USH2A: variants seen among roughly 807,000 people sequenced by gnomAD.
The protein encoded by USH2A is Usher syndrome 2A (autosomal recessive, mild).
USH2A carries 443 observed loss-of-function variants against 538.9 expected under a neutral mutation model. That is an observed-to-expected ratio of 0.82 (90% CI 0.76 to 0.89). USH2A has a LOEUF of 0.89. Ranked by LOEUF, USH2A falls within the 40% of genes least tolerant of loss-of-function variation. The probability of loss-of-function intolerance (pLI) is 0.00; values close to 1 mark genes in which losing one functional copy is unlikely to be tolerated. For synonymous variants in USH2A, 2,413 were observed against 2,273.5 expected (o/e 1.06, Z -1.75); for missense variants, 6,633 against 6,324.8 (o/e 1.05, Z -1.65).
intron 37 of USH2A, among the ~76,000 whole-genome samples, chr1:215,936,392 T>C (rs916230591): frequency 3.3e-5 from 5 of 152,076 alleles, no homozygotes; most frequent in Non-Finnish European, 7.4e-5. Flanking sequence ...AACATAAATT[T>C]GGTTGTCAAA....
rs185632511 is a variant in USH2A at position 215,939,068 on chromosome 1, C to A, written c.7121-4273G>T. 1.8e-3 allele frequency among the ~76,000 whole-genome samples: 274 copies of A among 152,168 alleles called. 1 individual carries two copies. The highest frequency in any genetic ancestry group is 0.017 in the Admixed American group (256 of 15,284). The stretch of plus-strand genomic sequence containing the variant: ...TACAAAATCCAATGAAGTTGTTCTA[C>A]AAGAAAATTTAAAATATGCATAAAA... On this transcript the variant is annotated intron_variant, in intron 37 of 71. Transcript: ENST00000307340.
chr1:216,070,957 G>T (rs1190435890), intron 29 of USH2A, among the ~76,000 whole-genome samples: 1 of 152,002 alleles, frequency 6.6e-6, no homozygotes, highest in African/African-American at 2.4e-5. Context: ...CACAAAATGA[G>T]GAAGTTTAAA....
intron 48 of USH2A, among the ~76,000 whole-genome samples, chr1:215,815,332 T>C (rs1662828208): frequency 6.6e-6 from 1 of 152,106 alleles, no homozygotes; most frequent in Non-Finnish European, 1.5e-5. Context: ...TGCACACGCC[T>C]GTTTTCTAAA....
chr1:216,333,236 G>A (rs1249633064), intron 4 of USH2A, among the ~76,000 whole-genome samples: 2 of 151,992 alleles, frequency 1.3e-5, no homozygotes, highest in East Asian at 3.9e-4. Flanking sequence ...GAGCCCAGCA[G>A]TTTGAGACCA....
chr1:216,004,768 G>A (rs1352425028), intron 32 of USH2A, among the ~76,000 whole-genome samples: 1 of 152,156 alleles, frequency 6.6e-6, no homozygotes, highest in Non-Finnish European at 1.5e-5. Context: ...CTATGAAGTG[G>A]ATGAAAGAGA....
intron 32 of USH2A, among the ~76,000 whole-genome samples, chr1:216,025,685 G>A (rs1282995779): frequency 6.6e-5 from 10 of 152,016 alleles, no homozygotes; most frequent in Non-Finnish European, 2.9e-5. Context: ...GTAAAGGTAT[G>A]TGCCTTTATA....
Position 216,072,958 on chromosome 1 carries a change from G to A in USH2A, c.5788C>T (p.Arg1930Ter), listed in dbSNP as rs397518021. ...CCTCCTTCATGCGAGGCTATCACTCGATACAGGTATTCTTAAATGGAAATA... is the reference window on the plus strand; with the variant it reads ...CCTCCTTCATGCGAGGCTATCACTCAATACAGGTATTCTTAAATGGAAATA... ...GLQPFTEYLY[R>*]VIASHEGGSV... Residue 1930 changes from arginine to a stop codon, truncating the protein, a stop_gained, in exon 29 of 72, where the codon CGA becomes TGA. Transcript: ENST00000307340. LOFTEE classifies it high-confidence loss of function. 10 of 1,613,698 alleles carry A rather than the reference G, an allele frequency of 6.2e-6. No homozygotes were observed. The highest frequency in any genetic ancestry group is 1.6e-4 in the Middle Eastern group (1 of 6,082).
chr1:216,199,405 G>A (rs1009940939), intron 17 of USH2A, among the ~76,000 whole-genome samples: 1 of 152,120 alleles, frequency 6.6e-6, no homozygotes, highest in Non-Finnish European at 1.5e-5. Flanking sequence ...AGCCTTTTAA[G>A]GGGCAATTTA....
At chr1:215,929,232 C>G (rs1278982510) in intron 38 of USH2A, among the ~76,000 whole-genome samples, 2 of 151,914 alleles carry the variant, frequency 1.3e-5, no homozygotes, top group African/African-American at 4.8e-5. Context: ...ATAAGTAGCT[C>G]TATATAAACA....
chr1:215,716,133 A>G (rs367891804), intron 61 of USH2A, among the ~76,000 whole-genome samples: 1 of 148,268 alleles, frequency 6.7e-6, no homozygotes, highest in South Asian at 2.1e-4. Context: ...AATACAATGT[A>G]TTAATACGTC....
At chr1:215,685,862 G>A (rs1658408992) in intron 61 of USH2A, among the ~76,000 whole-genome samples, 1 of 152,050 alleles carries the variant, frequency 6.6e-6, no homozygotes. Context: ...ATCTCAGCTG[G>A]TGAGACAAAA....
chr1:216,298,286 C>T (rs950416459), intron 9 of USH2A, among the ~76,000 whole-genome samples: 1 of 152,168 alleles, frequency 6.6e-6, no homozygotes, highest in African/African-American at 2.4e-5. Context: ...ATATTGCCTA[C>T]ATGAGTTAGT....
At chr1:216,092,432 A>G (rs867534633) in intron 22 of USH2A, among the ~76,000 whole-genome samples, 1 of 152,248 alleles carries the variant, frequency 6.6e-6, no homozygotes, top group Non-Finnish European at 1.5e-5. Flanking sequence ...AGTATTTAAA[A>G]TATAAATAAA....
chr1:216,415,506 CACTTT>C (rs1328124873), intron 3 of USH2A, among the ~76,000 whole-genome samples: 1 of 126,042 alleles, frequency 7.9e-6, no homozygotes, highest in East Asian at 2.6e-4. Context: ...TCCTTCCTGT[CACTTT>C]TTTTTTTTTT....
rs530327303 is a variant in USH2A, at chr1:216,349,547, C to T, written c.784+15406G>A. ...CAGCTAAAACCCACGAAAACCAATACGGCAATAAGAGTGACCTCTGGTTGT... is the reference window on the plus strand; with the variant it reads ...CAGCTAAAACCCACGAAAACCAATATGGCAATAAGAGTGACCTCTGGTTGT... On this transcript the variant is annotated intron_variant, in intron 4 of 71. Coordinates refer to ENST00000307340, the MANE Select transcript of USH2A (RefSeq NM_206933.4). Among the ~76,000 whole-genome samples, 64 of 152,180 alleles carry T rather than the reference C, an allele frequency of 4.2e-4. 1 individual carries two copies. Among genetic ancestry groups the T allele is most frequent in the African/African-American group, 1.4e-3 (57 of 41,546 alleles).
chr1:215,650,808 A>G lies in USH2A; in HGVS notation c.14134-7T>C. On this transcript the variant is annotated splice_region_variant and splice_polypyrimidine_tract_variant and intron_variant, in intron 64 of 71. Transcript: ENST00000307340. ...CAGAATTCACTGCCCAGACCTCCAA[A>G]GAGAAATCAACAAGACTGTCAAAAG... The G allele has an allele frequency of 6.2e-7, 1 of 1,613,384 alleles. No homozygotes were observed. The highest frequency in any genetic ancestry group is 8.5e-7 in the Non-Finnish European group (1 of 1,179,840).
intron 38 of USH2A, among the ~76,000 whole-genome samples, chr1:215,909,838 G>A (rs1253606994): frequency 6.6e-6 from 1 of 151,904 alleles, no homozygotes; most frequent in African/African-American, 2.4e-5. Flanking sequence ...ATTTGGTGAT[G>A]GAACAGATGT....
At chr1:216,308,039 G>T (rs1044250811) in intron 9 of USH2A, among the ~76,000 whole-genome samples, 2 of 152,178 alleles carry the variant, frequency 1.3e-5, no homozygotes, top group Admixed American at 1.3e-4. Context: ...TTCATGATGT[G>T]TGTCTTCACA....
intron 21 of USH2A, among the ~76,000 whole-genome samples, chr1:216,133,069 A>G (rs1304722276): frequency 6.6e-6 from 1 of 152,102 alleles, no homozygotes; most frequent in Non-Finnish European, 1.5e-5. Context: ...GGAGAACAAG[A>G]GTTCCAAGGT....
Sources: allele counts gnomAD v4.1 joint callset (sites outside exome capture counted in the v4.1 genomes callset), GRCh38; gene constraint gnomAD v4.1.1; transcripts MANE v1.5; gene names NCBI Gene and HGNC (gene_info 2026-07-23, HGNC 2026-07-21).